PTPRD: variants seen among roughly 807,000 people sequenced by gnomAD.
PTPRD encodes the protein protein tyrosine phosphatase receptor type D.
In PTPRD, 34 loss-of-function variants were observed where a neutral mutation model predicts 214.5. That is an observed-to-expected ratio of 0.16 (90% CI 0.12 to 0.21). The LOEUF is 0.21. Among genes scored for constraint, PTPRD ranks in the 10% least tolerant of loss-of-function variants. The pLI, the probability that PTPRD is intolerant of heterozygous loss-of-function variation, is 1.00. For synonymous variants in PTPRD, 1,128 were observed against 845.7 expected (o/e 1.33, Z -5.79); for missense variants, 2,545 against 2,398.7 (o/e 1.06, Z -1.27).
Position 10,492,309 on chromosome 9 carries a change from C to A in PTPRD, c.-600+120089G>T, listed in dbSNP as rs192108005. 3.1e-3 allele frequency among the ~76,000 whole-genome samples: 472 copies of A among 152,162 alleles called. 5 individuals are homozygous for A. Among genetic ancestry groups the A allele is most frequent in the African/African-American group, 0.01 (432 of 41,474 alleles). ...CACACAGTCTTCCACAATGGTTGAA[C>A]TAATTTACTCCCCCCACCAACAGTG... On this transcript the variant is annotated intron_variant, in intron 2 of 45. Coordinates refer to ENST00000381196, the MANE Select transcript of PTPRD (RefSeq NM_002839.4).
intron 5 of PTPRD, among the ~76,000 whole-genome samples, chr9:9,771,154 T>C (rs13292604): frequency 6.6e-6 from 1 of 152,198 alleles, no homozygotes; most frequent in Non-Finnish European, 1.5e-5. Context: ...AAGATTATGT[T>C]CTTTTTCCCA....
chr9:10,362,428 C>G (rs1425230684), intron 2 of PTPRD, among the ~76,000 whole-genome samples: 2 of 150,920 alleles, frequency 1.3e-5, no homozygotes, highest in African/African-American at 2.4e-5. Flanking sequence ...AGGAACTGAG[C>G]AATGACTGAA....
intron 3 of PTPRD, among the ~76,000 whole-genome samples, chr9:10,183,390 G>A (rs73641868): frequency 0.014 from 2,063 of 152,146 alleles, 51 homozygotes; most frequent in African/African-American, 0.045. Flanking sequence ...AATCCTTTGC[G>A]CAAAGGAAGT....
At chr9:10,185,382 T>C (rs1171746288) in intron 3 of PTPRD, among the ~76,000 whole-genome samples, 1 of 152,202 alleles carries the variant, frequency 6.6e-6, no homozygotes, top group Non-Finnish European at 1.5e-5. Flanking sequence ...ATGAGAAATT[T>C]GCTGTTTGCT....
intron 44 of PTPRD, among the ~76,000 whole-genome samples, chr9:8,324,183 G>T (rs1208356141): frequency 2.0e-5 from 3 of 151,656 alleles, no homozygotes; most frequent in African/African-American, 7.3e-5. Flanking sequence ...AATGCACCAG[G>T]GTGGTTTACT....
At chr9:9,657,700 T>A (rs573714823) in intron 7 of PTPRD, among the ~76,000 whole-genome samples, 62 of 152,346 alleles carry the variant, frequency 4.1e-4, no homozygotes, top group African/African-American at 1.5e-3. Flanking sequence ...AGAATTTTTT[T>A]AAAAGAATAC....
intron 5 of PTPRD, among the ~76,000 whole-genome samples, chr9:9,841,809 T>C (rs888199034): frequency 6.6e-6 from 1 of 152,128 alleles, no homozygotes; most frequent in Non-Finnish European, 1.5e-5. Context: ...CATAAGGACA[T>C]TCATGTACCT....
chr9:10,289,043 T>C (rs992228065), intron 3 of PTPRD, among the ~76,000 whole-genome samples: 2 of 151,736 alleles, frequency 1.3e-5, no homozygotes, highest in African/African-American at 4.8e-5. Context: ...TTTTTATTTC[T>C]TTTTGTTTCT....
At chr9:10,058,117 A>G (rs1286452113) in intron 3 of PTPRD, among the ~76,000 whole-genome samples, 2 of 152,016 alleles carry the variant, frequency 1.3e-5, no homozygotes, top group Non-Finnish European at 2.9e-5. Context: ...GCTACTCAAC[A>G]CCCTTTCTCT....
intron 8 of PTPRD, among the ~76,000 whole-genome samples, chr9:9,521,622 G>A (rs558781115): frequency 6.6e-6 from 1 of 152,220 alleles, no homozygotes; most frequent in African/African-American, 2.4e-5. Context: ...GGCGCTCTAA[G>A]TGGCAAATGA....
chr9:8,694,449 C>G (rs1281764517), intron 12 of PTPRD, among the ~76,000 whole-genome samples: 1 of 152,068 alleles, frequency 6.6e-6, no homozygotes, highest in African/African-American at 2.4e-5. Context: ...GATTTGTAAT[C>G]GGTCCCACTG....
chr9:8,499,605 C>A (rs1420252574), intron 25 of PTPRD, 42 bp downstream of exon 25: 5 of 1,565,014 alleles, frequency 3.2e-6, no homozygotes, highest in Non-Finnish European at 4.3e-6. Flanking sequence ...CTAAGATAAA[C>A]TTATTATATA....
intron 9 of PTPRD, among the ~76,000 whole-genome samples, chr9:9,250,469 GC>G (rs1296788375): frequency 6.6e-6 from 1 of 152,042 alleles, no homozygotes; most frequent in Non-Finnish European, 1.5e-5. Flanking sequence ...CAAACCCTCT[GC>G]CATTAATCAT....
At chr9:10,207,344 T>C (rs2099488362) in intron 3 of PTPRD, among the ~76,000 whole-genome samples, 1 of 152,156 alleles carries the variant, frequency 6.6e-6, no homozygotes, top group East Asian at 1.9e-4. Context: ...ATTCTTTCTC[T>C]GCATTTATGT....
At chr9:9,884,860 G>T (rs568078389) in intron 5 of PTPRD, among the ~76,000 whole-genome samples, 5 of 152,074 alleles carry the variant, frequency 3.3e-5, no homozygotes, top group African/African-American at 4.8e-5. Context: ...TGCCACGATT[G>T]TAAGTTTCCT....
At chr9:9,040,295 A>G (rs1476908477) in intron 10 of PTPRD, among the ~76,000 whole-genome samples, 1 of 152,196 alleles carries the variant, frequency 6.6e-6, no homozygotes, top group African/African-American at 2.4e-5. Flanking sequence ...GTATTTTCAC[A>G]TGACATATAC....
chr9:8,370,207 T>TACACACACAC (rs78658053), intron 39 of PTPRD, among the ~76,000 whole-genome samples: 3 of 82,076 alleles, frequency 3.7e-5, no homozygotes, highest in African/African-American at 7.4e-5. Context: ...CATATATATA[T>TACACACACAC]ACACACACAC....
At chr9:8,547,081 T>C (rs2080394546) in intron 14 of PTPRD, among the ~76,000 whole-genome samples, 1 of 152,170 alleles carries the variant, frequency 6.6e-6, no homozygotes, top group African/African-American at 2.4e-5. Context: ...TTCTATCTCT[T>C]TGAAATAAAG....
intron 9 of PTPRD, among the ~76,000 whole-genome samples, chr9:9,344,757 T>G (rs2048186922): frequency 6.6e-6 from 1 of 152,028 alleles, no homozygotes; most frequent in Non-Finnish European, 1.5e-5. Context: ...TATTTAATAT[T>G]TTTTATTTTG....
Sources: gnomAD v4.1 joint callset for allele counts (sites outside exome capture counted in the v4.1 genomes callset) on GRCh38, gnomAD v4.1.1 for gene constraint, MANE v1.5 for transcripts, NCBI Gene and HGNC (gene_info 2026-07-23, HGNC 2026-07-21) for gene names.